Variants in CREBRF observed in about 807,000 individuals in gnomAD.
CREBRF encodes CREB3 regulatory factor.
In CREBRF, 5 loss-of-function variants were observed where a neutral mutation model predicts 66.1. The observed-to-expected ratio is 0.08, with a 90% CI of 0.04 to 0.16. CREBRF has a LOEUF of 0.16. CREBRF is among the 10% of genes least tolerant of loss of function. The pLI is 1.00. For synonymous variants in CREBRF, 229 were observed against 264.4 expected, an observed-to-expected ratio of 0.87 and a Z score of 1.30; for missense variants, 531 against 744.9, an observed-to-expected ratio of 0.71 and a Z score of 3.34.
intron 8 of CREBRF, among the ~76,000 whole-genome samples, chr5:173,127,162 CTTTTTTTTTTTTT>C (rs70984944): frequency 8.7e-6 from 1 of 114,762 alleles, no homozygotes; most frequent in Admixed American, 8.8e-5. Flanking sequence ...GTTTCTTTTT[CTTTTTTTTTTTTT>C]TTTTTTTGAG....
At chr5:173,059,818 G>A (rs1757212866) in intron 1 of CREBRF, among the ~76,000 whole-genome samples, 1 of 152,172 alleles carries the variant, frequency 6.6e-6, no homozygotes, top group South Asian at 2.1e-4. Context: ...TCCTTCATAT[G>A]ACTGGTATAT....
chr5:173,073,116 A>T (rs377315327), intron 1 of CREBRF, among the ~76,000 whole-genome samples: 1 of 152,240 alleles, frequency 6.6e-6, no homozygotes, highest in Non-Finnish European at 1.5e-5. Flanking sequence ...ACGCATGCAC[A>T]TGTTTAGGTT....
intron 2 of CREBRF, among the ~76,000 whole-genome samples, chr5:173,084,293 C>A (rs943831104): frequency 6.6e-6 from 1 of 152,050 alleles, no homozygotes; most frequent in Non-Finnish European, 1.5e-5. Context: ...AAACTGCACA[C>A]TCCCCTCAAA....
At chr5:173,062,953 T>G (rs985499837) in intron 1 of CREBRF, among the ~76,000 whole-genome samples, 4 of 152,006 alleles carry the variant, frequency 2.6e-5, no homozygotes, top group Non-Finnish European at 5.9e-5. Context: ...TTCACCGTTT[T>G]AGCCGGGATG....
At chr5:173,089,783 ACT>A (rs1561803300) in intron 3 of CREBRF, among the ~76,000 whole-genome samples, 2 of 151,950 alleles carry the variant, frequency 1.3e-5, no homozygotes, top group African/African-American at 4.8e-5. Context: ...TTGAATTCCA[ACT>A]CTCTTTGGAT....
intron 8 of CREBRF, among the ~76,000 whole-genome samples, chr5:173,126,295 C>A (rs763360338): frequency 6.6e-6 from 1 of 152,102 alleles, no homozygotes; most frequent in Non-Finnish European, 1.5e-5. Flanking sequence ...TGCACACCAC[C>A]ACGCCCGGCT....
intron 2 of CREBRF, among the ~76,000 whole-genome samples, chr5:173,083,489 A>G (rs899853877): frequency 2.6e-5 from 4 of 152,190 alleles, no homozygotes; most frequent in Non-Finnish European, 4.4e-5. Flanking sequence ...TTAAGGCTAC[A>G]GAGTTCATGC....
At chr5:173,099,954 A>G (rs1001470963) in intron 4 of CREBRF, among the ~76,000 whole-genome samples, 24 of 143,966 alleles carry the variant, frequency 1.7e-4, no homozygotes, top group Admixed American at 2.8e-4. Flanking sequence ...GCAGTGGCAC[A>G]GTCTTGGCTC....
chr5:173,059,157 C>T (rs1757179440), intron 1 of CREBRF, among the ~76,000 whole-genome samples: 2 of 151,196 alleles, frequency 1.3e-5, no homozygotes, highest in Non-Finnish European at 2.9e-5. Context: ...AATAATGATA[C>T]ATAAAAACGT....
At chr5:173,119,966 A>C (rs1367220116) in intron 7 of CREBRF, among the ~76,000 whole-genome samples, 4 of 152,126 alleles carry the variant, frequency 2.6e-5, no homozygotes, top group Non-Finnish European at 5.9e-5. Context: ...AATAAACGCT[A>C]CTTGGTTATG....
At chr5:173,110,333 A>G in intron 5 of CREBRF, 189 bp from the exon 6 acceptor site, 1 of 685,986 alleles carries the variant, frequency 1.5e-6, no homozygotes, top group Admixed American at 2.0e-5. Context: ...TCCTGCAGCC[A>G]CAAGATGGGA....
chr5:173,065,620 C>A (rs375494079), intron 1 of CREBRF, among the ~76,000 whole-genome samples: 2 of 81,566 alleles, frequency 2.5e-5, no homozygotes, highest in African/African-American at 9.5e-5. Flanking sequence ...TCTCTTTATT[C>A]CCTTTGGGTT....
At chr5:173,082,014 T>TTTTTTTTTTTTTTTTTTTTTTTTTTTTG (rs1757966771) in intron 2 of CREBRF, among the ~76,000 whole-genome samples, 3 of 113,784 alleles carry the variant, frequency 2.6e-5, no homozygotes, top group Non-Finnish European at 5.8e-5. Context: ...TTTTTTTTTT[T>TTTTTTTTTTTTTTTTTTTTTTTTTTTTG]TTTTTTTTTT....
rs187108261 is a variant in CREBRF, at chr5:173,134,271, T to A, written c.*526T>A. The A allele has an allele frequency of 1.9e-3, 268 of 141,154 alleles. 2 individuals carry two copies. Among genetic ancestry groups the A allele is most frequent in the African/African-American group, 7.4e-3 (256 of 34,438 alleles). 8.7% of individuals were successfully genotyped at this position (141,154 alleles called of 1,614,324 possible). The stretch of plus-strand genomic sequence containing the variant: ...GCTCAAGATGATATATATAAATATA[T>A]ATATATATATATATATATACACACA... On this transcript the variant is annotated 3_prime_UTR_variant, in exon 9 of 9. Coordinates refer to ENST00000296953, the MANE Select transcript of CREBRF (RefSeq NM_153607.3).
At chr5:173,124,194 C>T (rs567469984) in intron 8 of CREBRF, 5 of 152,284 alleles carry the variant, frequency 3.3e-5, no homozygotes, top group East Asian at 1.9e-4. Context: ...ATCCTCAACT[C>T]GTATTTTCTT....
rs1342366244 is a variant in CREBRF at position 173,091,095 on chromosome 5, G to A, written c.916G>A (p.Glu306Lys). The A allele has an allele frequency of 3.1e-6, 5 of 1,614,196 alleles. No individual in the cohort carries two copies. The highest frequency in any genetic ancestry group is 3.3e-5 in the Admixed American group (2 of 60,028). ...QELLLSPLPQ[E>K]GPGSLAAGES... is the part of the protein sequence containing the mutation. ...ACTATTACTAAGTCCCCTGCCCCAG[G>A]AAGGTCCTGGGTCACTTGCAGCAGG... Residue 306 changes from glutamate to lysine, a missense_variant, in exon 4 of 9, where the codon GAA becomes AAA. By Grantham distance (56) the Glu-to-Lys change is moderately conservative. This residue lies in a region of CREBRF where 309 missense variants were observed against 341.4 expected (regional missense o/e 0.90). Transcript: ENST00000296953.
At chr5:173,059,229 T>G (rs1757181996) in intron 1 of CREBRF, among the ~76,000 whole-genome samples, 1 of 151,422 alleles carries the variant, frequency 6.6e-6, no homozygotes, top group Non-Finnish European at 1.5e-5. Flanking sequence ...AATAAGGGTA[T>G]TAGCTTATTT....
At chr5:173,106,666 G>A (rs1456065379) in intron 4 of CREBRF, among the ~76,000 whole-genome samples, 2 of 152,040 alleles carry the variant, frequency 1.3e-5, no homozygotes, top group Non-Finnish European at 2.9e-5. Context: ...ACTTCTATGA[G>A]TTTTGACAAA....
intron 1 of CREBRF, among the ~76,000 whole-genome samples, chr5:173,065,386 C>T (rs1431599945): frequency 6.6e-6 from 1 of 151,974 alleles, no homozygotes; most frequent in Non-Finnish European, 1.5e-5. Flanking sequence ...TTTTTGCTTT[C>T]ACTTTGTCCT....
Sources: allele counts gnomAD v4.1 joint callset (sites outside exome capture counted in the v4.1 genomes callset), GRCh38; gene constraint gnomAD v4.1.1; regional missense constraint gnomAD v4.1.1; transcripts MANE v1.5; gene names NCBI Gene and HGNC (gene_info 2026-07-23, HGNC 2026-07-21).